The following WWOX variants were observed in gnomAD, a reference collection of about 807,000 sequenced individuals.
WWOX encodes WW domain containing oxidoreductase, also known as WW domain-containing oxidoreductase.
Under a neutral mutation model 46.2 loss-of-function variants are expected in WWOX, and 69 were observed. That is an observed-to-expected ratio of 1.49 (90% CI 1.23 to 1.82). The LOEUF is 1.82. Among genes scored for constraint, WWOX ranks in the 40% most tolerant of loss-of-function variants. The pLI is 0.00. For synonymous variants in WWOX, 359 were observed against 202.6 expected, an observed-to-expected ratio of 1.77 and a Z score of -6.56; for missense variants, 919 against 542.6, an observed-to-expected ratio of 1.69 and a Z score of -6.89.
intron 8 of WWOX, among the ~76,000 whole-genome samples, chr16:78,616,549 C>T (rs1279317397): frequency 6.6e-6 from 1 of 150,642 alleles, no homozygotes; most frequent in East Asian, 2.0e-4. Context: ...CTCGGTGGAT[C>T]ACTTGAGGTC....
At chr16:78,338,021 T>C (rs146780660) in intron 5 of WWOX, among the ~76,000 whole-genome samples, 3 of 120,492 alleles carry the variant, frequency 2.5e-5, no homozygotes, top group African/African-American at 8.5e-5. Context: ...CAGTTTCTTT[T>C]GTTCTTTTAA....
At chr16:78,310,712 A>G (rs1006361477) in intron 5 of WWOX, among the ~76,000 whole-genome samples, 1 of 152,230 alleles carries the variant, frequency 6.6e-6, no homozygotes, top group African/African-American at 2.4e-5. Context: ...TTTGGCTTCC[A>G]TTAGCAAGGG....
At chr16:79,034,728 G>C (rs1276074003) in intron 8 of WWOX, among the ~76,000 whole-genome samples, 1 of 150,848 alleles carries the variant, frequency 6.6e-6, no homozygotes, top group African/African-American at 2.4e-5. Flanking sequence ...ATACTTCTCT[G>C]ATCAGAGCAT....
Position 78,989,384 on chromosome 16 carries a change from T to TA in WWOX, c.1057-222224_1057-222223insA, listed in dbSNP as rs201784431. On this transcript the variant is annotated intron_variant, in intron 8 of 8. Transcript: ENST00000566780. ...TTGGATCCCCAAGATAGAATGGCCC[T>TA]GATGCAGTCAAACCACCCTGCAGAA... is the stretch of plus-strand genomic sequence containing the variant. Among the ~76,000 whole-genome samples, 1,409 of 152,296 alleles carry TA rather than the reference T, an allele frequency of 9.3e-3. 28 individuals carry two copies. Among genetic ancestry groups the TA allele is most frequent in the African/African-American group, 0.033 (1,365 of 41,558 alleles).
intron 8 of WWOX, among the ~76,000 whole-genome samples, chr16:79,043,146 C>G (rs191238641): frequency 5.9e-5 from 9 of 151,982 alleles, no homozygotes; most frequent in Non-Finnish European, 5.9e-5. Context: ...TGCCTACTTG[C>G]AGCTGAAGAG....
intron 4 of WWOX, among the ~76,000 whole-genome samples, chr16:78,143,449 C>G (rs960983606): frequency 6.6e-6 from 1 of 152,270 alleles, no homozygotes; most frequent in African/African-American, 2.4e-5. Context: ...ATCCAGCCCC[C>G]CGAGGCCCAC....
chr16:78,121,155 C>G (rs2033074741), intron 4 of WWOX, among the ~76,000 whole-genome samples: 1 of 152,080 alleles, frequency 6.6e-6, no homozygotes, highest in Admixed American at 6.6e-5. Context: ...CTAGTGGGAT[C>G]TTGGCATTTA....
At chr16:78,972,467 G>A (rs1445902422) in intron 8 of WWOX, among the ~76,000 whole-genome samples, 2 of 83,608 alleles carry the variant, frequency 2.4e-5, no homozygotes, top group Non-Finnish European at 4.5e-5. Context: ...AGCAAGCAGG[G>A]GTGAAAAAAA....
intron 8 of WWOX, among the ~76,000 whole-genome samples, chr16:79,159,966 A>C (rs909849697): frequency 6.6e-6 from 1 of 151,810 alleles, no homozygotes; most frequent in African/African-American, 2.4e-5. Context: ...CGGGATTCAT[A>C]CCTAGGGGGC....
At chr16:78,224,652 A>C (rs1398251806) in intron 5 of WWOX, among the ~76,000 whole-genome samples, 1 of 152,160 alleles carries the variant, frequency 6.6e-6, no homozygotes, top group Non-Finnish European at 1.5e-5. Flanking sequence ...CACACCAGTG[A>C]GTGATTCCTT....
At chr16:78,763,798 C>T (rs2049854973) in intron 8 of WWOX, among the ~76,000 whole-genome samples, 1 of 152,182 alleles carries the variant, frequency 6.6e-6, no homozygotes, top group Non-Finnish European at 1.5e-5. Flanking sequence ...TCAGTTAAGA[C>T]CTAGCCGAAG....
intron 8 of WWOX, among the ~76,000 whole-genome samples, chr16:78,527,230 A>G (rs940952149): frequency 1.4e-4 from 21 of 152,068 alleles, no homozygotes; most frequent in African/African-American, 5.1e-4. Flanking sequence ...ACTTTGAATC[A>G]ATTCTTCTAA....
chr16:78,395,731 T>TAGTA (rs2082269578), intron 6 of WWOX, among the ~76,000 whole-genome samples: 1 of 150,540 alleles, frequency 6.6e-6, no homozygotes, highest in Non-Finnish European at 1.5e-5. Flanking sequence ...ATTACTCTAC[T>TAGTA]GAGTATGGTT....
intron 8 of WWOX, among the ~76,000 whole-genome samples, chr16:79,120,842 C>T (rs148965688): frequency 1.2e-3 from 186 of 152,350 alleles, no homozygotes; most frequent in African/African-American, 4.2e-3. Flanking sequence ...GATCTTGGCT[C>T]ACTGCATCCT....
chr16:78,963,250 C>A (rs986686064), intron 8 of WWOX, among the ~76,000 whole-genome samples: 9 of 152,092 alleles, frequency 5.9e-5, no homozygotes, highest in African/African-American at 2.2e-4. Flanking sequence ...GAGAGGATTC[C>A]TTGAGTCCGG....
chr16:78,556,917 C>T (rs1007726927), intron 8 of WWOX, among the ~76,000 whole-genome samples: 1 of 152,002 alleles, frequency 6.6e-6, no homozygotes, highest in Non-Finnish European at 1.5e-5. Context: ...TGAGGTTTTG[C>T]CATATTGGTC....
chr16:78,761,099 G>T (rs2049781335), intron 8 of WWOX, among the ~76,000 whole-genome samples: 1 of 152,204 alleles, frequency 6.6e-6, no homozygotes, highest in Non-Finnish European at 1.5e-5. Context: ...GATGCGATTT[G>T]GGTGGGGACA....
At chr16:78,172,224 C>T (rs920903711) in intron 5 of WWOX, among the ~76,000 whole-genome samples, 13 of 152,194 alleles carry the variant, frequency 8.5e-5, no homozygotes, top group Non-Finnish European at 1.9e-4. Context: ...AGTACATCCG[C>T]TGCGCTTCTT....
At chr16:78,585,335 C>G (rs1005740154) in intron 8 of WWOX, among the ~76,000 whole-genome samples, 4 of 152,190 alleles carry the variant, frequency 2.6e-5, no homozygotes, top group Non-Finnish European at 5.9e-5. Flanking sequence ...GACCATCACC[C>G]TGGCTGCCAG....
Sources: allele counts gnomAD v4.1 joint callset (sites outside exome capture counted in the v4.1 genomes callset), GRCh38; gene constraint gnomAD v4.1.1; transcripts MANE v1.5; gene names NCBI Gene and HGNC (gene_info 2026-07-23, HGNC 2026-07-21).